The following DGCR6L variants were observed in gnomAD, a reference collection of about 807,000 sequenced individuals.
DGCR6L encodes the protein protein DGCR6L.
Under a neutral mutation model 31.1 loss-of-function variants are expected in DGCR6L, and 24 were observed. The ratio of observed to expected loss-of-function variants is 0.77; its 90% CI spans 0.56 to 1.08. The LOEUF (loss-of-function observed/expected upper bound fraction) is 1.08. Ranked by LOEUF, DGCR6L falls within the 50% of genes least tolerant of loss-of-function variation. The pLI is 0.00. For missense variants in DGCR6L, 218 were observed against 287.1 expected (o/e 0.76, Z 1.74); for synonymous variants, 104 against 126.1 (o/e 0.82, Z 1.17).
chr22:20,319,257 C>T (rs2051590332), intron 2 of DGCR6L, among the ~76,000 whole-genome samples: 1 of 152,210 alleles, frequency 6.6e-6, no homozygotes, highest in Non-Finnish European at 1.5e-5. Flanking sequence ...CCCTGAAAGA[C>T]GCTTGCTGCA....
chr22:20,316,020 T>C lies in DGCR6L; in HGVS notation c.372+99A>G, dbSNP rs2051568450. ...CACTCAGGCCCAGGACAGCCACCCA[T>C]GCCTGAGCCCCCACACCCCTTCAGC... On this transcript the variant is annotated intron_variant, in intron 3 of 4. Transcript: ENST00000248879. 4 of 1,403,428 alleles carry C rather than the reference T, an allele frequency of 2.9e-6. No individual in the cohort carries two copies. In the South Asian group the frequency reaches 5.6e-5, roughly 19 times the overall value. 86.9% of individuals were successfully genotyped at this position (1,403,428 alleles called of 1,614,324 possible).
intron 2 of DGCR6L, among the ~76,000 whole-genome samples, chr22:20,319,245 G>C (rs1028601686): frequency 6.6e-6 from 1 of 152,168 alleles, no homozygotes; most frequent in Non-Finnish European, 1.5e-5. Flanking sequence ...AGAGGGAACT[G>C]ACCCTGAAAG....
Position 20,314,916 on chromosome 22 carries a change from C to T in DGCR6L, c.514-92G>A, listed in dbSNP as rs563788433. The T allele has an allele frequency of 6.9e-6, 11 of 1,586,050 alleles. No individual in the cohort carries two copies. The Middle Eastern group carries it at 6.5e-4, about 94-fold the overall frequency. On this transcript the variant is annotated intron_variant, in intron 4 of 4. Transcript: ENST00000248879. ...GTGCCAGGCAGTGAGCCCACGGGGG[C>T]GACCATCCTGTGAAGCCTGGTCATG...
rs1323543655 is a variant in DGCR6L, at chr22:20,314,639, GA to G, written c.*35del. On this transcript the variant is annotated 3_prime_UTR_variant, in exon 5 of 5. Transcript: ENST00000248879. ...TGGGAAGGCAGTGGCCAAAGGTCAA[GA>G]AGATGAACTCTGCCCAGACTTCTGC... 1 of 1,548,884 alleles carries G rather than the reference GA, an allele frequency of 6.5e-7. No individual in the cohort carries two copies. The highest frequency in any genetic ancestry group is 8.7e-7 in the Non-Finnish European group (1 of 1,144,270).
Position 20,314,953 on chromosome 22 carries a change from C to G in DGCR6L, c.514-129G>C, listed in dbSNP as rs754353697. The G allele has an allele frequency of 1.9e-6, 3 of 1,543,276 alleles. No individual in the cohort carries two copies. In the African/African-American group the frequency reaches 4.1e-5, roughly 21 times the overall value. On this transcript the variant is annotated intron_variant, in intron 4 of 4. Coordinates refer to ENST00000248879, the MANE Select transcript of DGCR6L (RefSeq NM_033257.4). Reference sequence around the variant, plus strand: ...GAAGCCTGGTCATGGCCTGCCAGGACAGGGTGGAATCTGAGCTTCTGCCCC... The same window carrying G: ...GAAGCCTGGTCATGGCCTGCCAGGAGAGGGTGGAATCTGAGCTTCTGCCCC...
chr22:20,317,158 G>A (rs2051577083), intron 2 of DGCR6L, among the ~76,000 whole-genome samples: 2 of 152,190 alleles, frequency 1.3e-5, no homozygotes, highest in African/African-American at 4.8e-5. Context: ...GGCCCCTGAG[G>A]CTCCCCTGCA....
chr22:20,316,932 G>C (rs1351703466), intron 2 of DGCR6L, among the ~76,000 whole-genome samples: 5 of 152,362 alleles, frequency 3.3e-5, no homozygotes, highest in African/African-American at 1.2e-4. Flanking sequence ...TGAAGGGAAT[G>C]TACAGAGGAA....
At chr22:20,316,554 T>G (rs960069330) in intron 2 of DGCR6L, among the ~76,000 whole-genome samples, 8 of 152,198 alleles carry the variant, frequency 5.3e-5, no homozygotes, top group Admixed American at 1.3e-4. Flanking sequence ...AGGGCCCCCA[T>G]GGCCACAGGC....
In DGCR6L at chr22:20,319,748, C is replaced by T. The variant is rs773905883; in HGVS notation, c.162G>A (p.Ala54=). The part of the protein sequence containing the change: ...SYTTLSDLAL[A]LLDGTVFEIV... ...TTTCGAACACGGTGCCGTCGAGAAGCGCCAGGGCCAGGTCGCTGAGCGTGG... is the reference window on the plus strand; with the variant it reads ...TTTCGAACACGGTGCCGTCGAGAAGTGCCAGGGCCAGGTCGCTGAGCGTGG... The change falls in exon 2 of 5, where the codon GCG becomes GCA. Residue 54 remains alanine, a synonymous_variant. Transcript: ENST00000248879. 6.2e-7 allele frequency: 1 copy of T among 1,612,812 alleles called. No homozygotes were observed. The highest frequency in any genetic ancestry group is 8.5e-7 in the Non-Finnish European group (1 of 1,179,522).
At position 20,315,468 on chromosome 22, in the gene DGCR6L, T is replaced by C. The variant is rs1135012; in HGVS notation, c.381A>G (p.Glu127=). 5 of 1,613,424 alleles carry C rather than the reference T, an allele frequency of 3.1e-6. No homozygotes were observed. Among genetic ancestry groups the C allele is most frequent in the South Asian group, 1.1e-5 (1 of 91,082 alleles). Reference sequence around the variant, plus strand: ...CCCGCTGCTCCTCACGGATCCGGTGTTCCACGGCCTGCCATGGGGCCAGGG... The same window carrying C: ...CCCGCTGCTCCTCACGGATCCGGTGCTCCACGGCCTGCCATGGGGCCAGGG... ...AAQQRELEAV[E]HRIREEQRAM... The change falls in exon 4 of 5, where the codon GAA becomes GAG. Residue 127 remains glutamate (E), a synonymous_variant. Transcript: ENST00000248879.
At chr22:20,316,591 G>C (rs1482454779) in intron 2 of DGCR6L, among the ~76,000 whole-genome samples, 1 of 151,920 alleles carries the variant, frequency 6.6e-6, no homozygotes, top group Non-Finnish European at 1.5e-5. Context: ...AAGTGTCAGA[G>C]ACCACCTCAG....
intron 2 of DGCR6L, chr22:20,318,243 C>A (rs1195633913): frequency 6.5e-6 from 1 of 152,718 alleles, no homozygotes; most frequent in Non-Finnish European, 1.5e-5. Flanking sequence ...ACACACCAAT[C>A]CTGGAGCAGA....
Position 20,320,030 on chromosome 22 carries a change from C to A in DGCR6L, c.-42G>T, listed in dbSNP as rs2051599232. ...AGCCGCCGGCGGCGGCGACGAGCTC[C>A]CCCAGCTTCACGACATCCCGAGCGC... is the stretch of plus-strand genomic sequence containing the variant. On this transcript the variant is annotated 5_prime_UTR_variant, in exon 1 of 5. Coordinates refer to ENST00000248879, the MANE Select transcript of DGCR6L (RefSeq NM_033257.4). 14 of 1,498,372 alleles carry A rather than the reference C, an allele frequency of 9.3e-6. No homozygotes were observed. The highest frequency in any genetic ancestry group is 1.2e-5 in the Non-Finnish European group (14 of 1,128,998). 92.8% of individuals were successfully genotyped at this position (1,498,372 alleles called of 1,614,324 possible).
rs775341527 is a variant in DGCR6L, at chr22:20,319,796, A to G, written c.114T>C (p.Ser38=). 2.5e-6 allele frequency: 4 copies of G among 1,610,050 alleles called. No homozygotes were observed. The highest frequency in any genetic ancestry group is 3.4e-6 in the Non-Finnish European group (4 of 1,178,324). The change falls in exon 2 of 5, where the codon TCT becomes TCC. Residue 38 remains serine (S), a synonymous_variant. Coordinates refer to ENST00000248879, the MANE Select transcript of DGCR6L (RefSeq NM_033257.4). ...LQSLVKELPS[S]FQQRLSYTTL... is the part of the protein sequence containing the mutation. ...TGGTGTAGGACAGGCGCTGCTGGAA[A>G]GAGCTGCGGGTAGGGGGGCGCGGTG...
At chr22:20,316,342 GC>G in intron 2 of DGCR6L, 123 bp from the exon 3 acceptor site, 1 of 1,293,360 alleles carries the variant, frequency 7.7e-7, no homozygotes, top group Non-Finnish European at 1.1e-6. Context: ...TGGGGAGGAT[GC>G]CAGCCTCCTC....
chr22:20,316,236 C>T lies in DGCR6L; in HGVS notation c.272-17G>A. On this transcript the variant is annotated splice_polypyrimidine_tract_variant and intron_variant, in intron 2 of 4. Transcript: ENST00000248879. Reference sequence around the variant, plus strand: ...GCCTGAGCACTGGGAGGGATGAGAGCCCGTCAGCAGGCGGTGGGACTCGGC... The same window carrying T: ...GCCTGAGCACTGGGAGGGATGAGAGTCCGTCAGCAGGCGGTGGGACTCGGC... The T allele has an allele frequency of 6.3e-7, 1 of 1,588,892 alleles. No homozygotes were observed. Among genetic ancestry groups the T allele is most frequent in the Non-Finnish European group, 8.6e-7 (1 of 1,169,482 alleles).
chr22:20,315,814 C>T (rs1056842222), intron 3 of DGCR6L, among the ~76,000 whole-genome samples: 6 of 152,158 alleles, frequency 3.9e-5, no homozygotes, highest in Non-Finnish European at 8.8e-5. Context: ...CCTTCCTGGC[C>T]CCAACACCCT....
chr22:20,319,525 T>TA, intron 2 of DGCR6L, 114 bp downstream of exon 2: 1 of 1,467,348 alleles, frequency 6.8e-7, no homozygotes, highest in African/African-American at 1.4e-5. Flanking sequence ...TTGTCAATCT[T>TA]AGAGACCTCT....
Position 20,316,137 on chromosome 22 carries a change from A to T in DGCR6L, c.354T>A (p.Ala118=), listed in dbSNP as rs1484353847. The change falls in exon 3 of 5, where the codon GCT becomes GCA. Residue 118 remains alanine, a synonymous_variant. Coordinates refer to ENST00000248879, the MANE Select transcript of DGCR6L (RefSeq NM_033257.4). ...CCAGTACCTCTAGTTCTCGCTGCTGAGCCGCCTGAACCACAGGCAGGTTGT... is the reference window on the plus strand; with the variant it reads ...CCAGTACCTCTAGTTCTCGCTGCTGTGCCGCCTGAACCACAGGCAGGTTGT... ...RPHNLPVVQA[A]QQRELEAVEH... is the part of the protein sequence containing the mutation. 1 of 1,610,872 alleles carries T rather than the reference A, an allele frequency of 6.2e-7. No individual in the cohort carries two copies.
Sources: gnomAD v4.1 joint callset for allele counts (sites outside exome capture counted in the v4.1 genomes callset) on GRCh38, gnomAD v4.1.1 for gene constraint, MANE v1.5 for transcripts, NCBI Gene and HGNC (gene_info 2026-07-23, HGNC 2026-07-21) for gene names.